Variants in CHIA observed in about 807,000 individuals in gnomAD.
CHIA encodes the protein chitinase acidic.
In CHIA, 47 loss-of-function variants were observed where a neutral mutation model predicts 53.5. The observed-to-expected ratio is 0.88, with a 90% confidence interval of 0.70 to 1.12. The LOEUF (loss-of-function observed/expected upper bound fraction) is 1.12. Ranked by LOEUF, CHIA falls within the 50% of genes most tolerant of loss-of-function variation. The pLI, the probability that CHIA is intolerant of heterozygous loss-of-function variation, is 0.00. For missense variants in CHIA, 652 were observed against 592.2 expected (o/e 1.10, Z -1.05); for synonymous variants, 268 against 222.2 (o/e 1.21, Z -1.83).
At chr1:111,317,224 G>A (rs963317001) in intron 6 of CHIA, 7 of 169,222 alleles carry the variant, frequency 4.1e-5, no homozygotes, top group Non-Finnish European at 9.1e-5. Flanking sequence ...AGTATTGAAT[G>A]GGAACCTATC....
chr1:111,317,345 A>G, intron 6 of CHIA: 1 of 223,868 alleles, frequency 4.5e-6, no homozygotes, highest in Non-Finnish European at 9.2e-6. Context: ...ATACTGCTGG[A>G]TGTAGGGTAT....
Position 111,290,866 on chromosome 1 carries a change from C to CCT in CHIA, c.-151_-150dup, listed in dbSNP as rs34698010. On this transcript the variant is annotated 5_prime_UTR_variant, in exon 1 of 12. The change creates a premature stop within an existing upstream ORF in the 5' untranslated region. Transcript: ENST00000369740. The stretch of plus-strand genomic sequence containing the variant: ...CAGACGGTGCCAAAGCTTCATGAAA[C>CCT]CTCCTCGTCTGTGCACGAACAGGTG... The CCT allele has an allele frequency of 0.44, 203,589 of 459,312 alleles. 48,244 individuals are homozygous for CCT. The highest frequency in any genetic ancestry group is 0.72 in the East Asian group (9,790 of 13,622). 28.5% of individuals were successfully genotyped at this position (459,312 alleles called of 1,614,324 possible).
In CHIA at chr1:111,297,672, G is replaced by C. The variant is rs547837982; in HGVS notation, c.-69+6722G>C. Among the ~76,000 whole-genome samples, 5 of 152,010 alleles carry C rather than the reference G, an allele frequency of 3.3e-5. No homozygotes were observed. The East Asian group carries it at 7.7e-4, about 24-fold the overall frequency. ...CTATGAAGAAACTGCATCAATTAACGGACAAAATAACCAGCTAACATCGTA... is the reference window on the plus strand; with the variant it reads ...CTATGAAGAAACTGCATCAATTAACCGACAAAATAACCAGCTAACATCGTA... On this transcript the variant is annotated intron_variant, in intron 1 of 11. Coordinates refer to ENST00000369740, the MANE Select transcript of CHIA (RefSeq NM_201653.4).
At chr1:111,300,158 A>C (rs1647597368) in intron 1 of CHIA, among the ~76,000 whole-genome samples, 1 of 152,106 alleles carries the variant, frequency 6.6e-6, no homozygotes, top group South Asian at 2.1e-4. Context: ...CATACTACCC[A>C]AGGTAATTTA....
chr1:111,300,204 C>A (rs1647601549), intron 1 of CHIA, among the ~76,000 whole-genome samples: 1 of 152,172 alleles, frequency 6.6e-6, no homozygotes, highest in African/African-American at 2.4e-5. Context: ...CTACCAATGA[C>A]TTTCTTTACA....
chr1:111,315,257 G>A lies in CHIA; in HGVS notation c.315-13G>A, dbSNP rs749835368. ...ACCAAGGTCTCACCCTGCCTTCTTTGGGTCTCCCTCAGTTTCACTGCCATG... is the reference window on the plus strand; with the variant it reads ...ACCAAGGTCTCACCCTGCCTTCTTTAGGTCTCCCTCAGTTTCACTGCCATG... On this transcript the variant is annotated splice_polypyrimidine_tract_variant and intron_variant, in intron 5 of 11. Coordinates refer to ENST00000369740, the MANE Select transcript of CHIA (RefSeq NM_201653.4). 1 of 1,608,440 alleles carries A rather than the reference G, an allele frequency of 6.2e-7. No homozygotes were observed. Among genetic ancestry groups the A allele is most frequent in the Non-Finnish European group, 8.5e-7 (1 of 1,176,938 alleles).
chr1:111,295,182 C>T (rs1003490549), intron 1 of CHIA, among the ~76,000 whole-genome samples: 1 of 152,096 alleles, frequency 6.6e-6, no homozygotes, highest in Admixed American at 6.5e-5. Context: ...AAACTTATTG[C>T]ATTTTATGAT....
chr1:111,297,650 T>C (rs958807114), intron 1 of CHIA, among the ~76,000 whole-genome samples: 2 of 152,098 alleles, frequency 1.3e-5, no homozygotes, highest in African/African-American at 2.4e-5. Flanking sequence ...ATTGATGCTA[T>C]GAAGAAACTG....
chr1:111,292,276 C>T (rs1661069892), intron 1 of CHIA, among the ~76,000 whole-genome samples: 2 of 152,184 alleles, frequency 1.3e-5, no homozygotes, highest in South Asian at 2.1e-4. Context: ...ATATGTAATA[C>T]ATGAGGAAAT....
intron 6 of CHIA, chr1:111,315,764 A>G (rs1649107201): frequency 2.2e-6 from 1 of 464,932 alleles, no homozygotes; most frequent in Non-Finnish European, 4.3e-6. Context: ...AGAGGATTTA[A>G]GCAACTTGCC....
chr1:111,298,845 AC>A (rs1218654894), intron 1 of CHIA, among the ~76,000 whole-genome samples: 23 of 152,182 alleles, frequency 1.5e-4, no homozygotes, highest in African/African-American at 5.3e-4. Flanking sequence ...TGCTAGCAAG[AC>A]TTACAAAGAA....
In CHIA at chr1:111,318,521, A is replaced by G. The variant is rs777258754; in HGVS notation, c.758A>G (p.Asn253Ser). The change falls in exon 9 of 12, where the codon AAT becomes AGT. Residue 253 changes from asparagine (N) to serine (S), a missense_variant. Asn to Ser is a conservative substitution (Grantham distance 46). Transcript: ENST00000369740. ...TATGTCATGAACTACTGGAAGGACA[A>G]TGGAGCACCAGCTGAGAAGCTCATC... is the stretch of plus-strand genomic sequence containing the variant. ...VDYVMNYWKD[N>S]GAPAEKLIVG... 5.0e-6 allele frequency: 8 copies of G among 1,614,032 alleles called. No individual in the cohort carries two copies. The African/African-American group carries it at 6.7e-5, about 13-fold the overall frequency.
intron 1 of CHIA, 167 bp from the exon 2 acceptor site, chr1:111,310,233 T>G: frequency 3.8e-6 from 3 of 781,876 alleles, no homozygotes; most frequent in Non-Finnish European, 3.7e-6. Flanking sequence ...TCCACCACCC[T>G]GTTAGGAGCC....
Position 111,310,490 on chromosome 1 carries a change from C to A in CHIA, c.23C>A (p.Thr8Lys). Reference sequence around the variant, plus strand: ...ACCATGACAAAGCTTATTCTCCTCACAGGTGGGTTTGTAATCAGAGATTGA... The same window carrying A: ...ACCATGACAAAGCTTATTCTCCTCAAAGGTGGGTTTGTAATCAGAGATTGA... Reference protein sequence around the residue: MTKLILLTGLVLILNLQL... With the variant: MTKLILLKGLVLILNLQL... The change falls in exon 2 of 12, where the codon ACA becomes AAA. Residue 8 changes from threonine to lysine, a missense_variant and splice_region_variant. By Grantham distance (78) the Thr-to-Lys change is moderately conservative. Transcript: ENST00000369740. 6.2e-7 allele frequency: 1 copy of A among 1,614,174 alleles called. No homozygotes were observed. Among genetic ancestry groups the A allele is most frequent in the Non-Finnish European group, 8.5e-7 (1 of 1,180,018 alleles).
intron 4 of CHIA, among the ~76,000 whole-genome samples, chr1:111,313,860 A>G (rs1250676611): frequency 6.6e-6 from 1 of 152,218 alleles, no homozygotes; most frequent in Non-Finnish European, 1.5e-5. Flanking sequence ...GGTGATTGCT[A>G]CTATCAGTAA....
At chr1:111,311,839 T>G in intron 3 of CHIA, 121 bp downstream of exon 3, 1 of 1,054,644 alleles carries the variant, frequency 9.5e-7, no homozygotes, top group South Asian at 1.3e-5. Context: ...TAATCTAGTG[T>G]TTTGGATTGG....
chr1:111,309,905 T>G (rs7545343), intron 1 of CHIA, among the ~76,000 whole-genome samples: 20,070 of 152,188 alleles, frequency 0.13, 1,539 homozygotes, highest in African/African-American at 0.19. Flanking sequence ...GATAAAATTA[T>G]CATTTAGTCA....
intron 1 of CHIA, among the ~76,000 whole-genome samples, chr1:111,292,710 T>G (rs1661101323): frequency 6.6e-6 from 1 of 152,152 alleles, no homozygotes; most frequent in Non-Finnish European, 1.5e-5. Flanking sequence ...CATGTAAAAC[T>G]CCAGCTCTAT....
intron 4 of CHIA, among the ~76,000 whole-genome samples, chr1:111,313,282 A>T (rs1648833073): frequency 6.6e-6 from 1 of 152,158 alleles, no homozygotes; most frequent in Admixed American, 6.5e-5. Flanking sequence ...AGTGGGCAAG[A>T]GTTCCTTTTT....
Sources: allele counts gnomAD v4.1 joint callset (sites outside exome capture counted in the v4.1 genomes callset), GRCh38; gene constraint gnomAD v4.1.1; transcripts MANE v1.5; gene names NCBI Gene and HGNC (gene_info 2026-07-23, HGNC 2026-07-21).